CNTNAP2: variants seen among roughly 807,000 people sequenced by gnomAD.
The protein encoded by CNTNAP2 is contactin-associated protein-like 2.
CNTNAP2 carries 98 observed loss-of-function variants against 155.2 expected under a neutral mutation model. That is an observed-to-expected ratio of 0.63 (90% CI 0.54 to 0.75). The LOEUF (loss-of-function observed/expected upper bound fraction) is 0.75, where lower values mean the gene tolerates loss of function less well. Ranked by LOEUF, CNTNAP2 falls within the 30% of genes least tolerant of loss-of-function variation. The pLI is 0.00. For synonymous variants in CNTNAP2, 651 were observed against 631.2 expected, an observed-to-expected ratio of 1.03 and a Z score of -0.47; for missense variants, 1,727 against 1,688.1, an observed-to-expected ratio of 1.02 and a Z score of -0.40.
At chr7:147,509,623 C>T (rs115940949) in intron 11 of CNTNAP2, among the ~76,000 whole-genome samples, 556 of 152,226 alleles carry the variant, frequency 3.7e-3, no homozygotes, top group African/African-American at 0.013. Context: ...TGGTCCCTCT[C>T]ACTGTCTTAG....
chr7:147,368,096 T>TCACACACACACACACACA, intron 9 of CNTNAP2, among the ~76,000 whole-genome samples: 1 of 117,172 alleles, frequency 8.5e-6, no homozygotes, highest in African/African-American at 3.5e-5. Flanking sequence ...TCTCTCTCTG[T>TCACACACACACACACACA]CACACACACA....
At chr7:146,855,483 G>A (rs62481427) in intron 3 of CNTNAP2, among the ~76,000 whole-genome samples, 51,529 of 151,822 alleles carry the variant, frequency 0.34, 8,900 homozygotes, top group Admixed American at 0.42. Context: ...ATTTGAAATA[G>A]ATACACAGCA....
chr7:148,399,887 A>C lies in CNTNAP2; in HGVS notation c.3716-9504A>C, dbSNP rs1799545443. ...GCTTTAAATTAAAACACACACACAC[A>C]CGAGCAGCTGAAGACCTGAGTCACC... On this transcript the variant is annotated intron_variant, in intron 22 of 23. Coordinates refer to ENST00000361727, the MANE Select transcript of CNTNAP2 (RefSeq NM_014141.6). Among the ~76,000 whole-genome samples the C allele has an allele frequency of 2.7e-5, 4 of 149,380 alleles. 1 individual carries two copies. In the South Asian group the frequency reaches 8.8e-4, roughly 33 times the overall value.
At chr7:146,323,879 A>T (rs995553462) in intron 1 of CNTNAP2, among the ~76,000 whole-genome samples, 3 of 152,094 alleles carry the variant, frequency 2.0e-5, no homozygotes, top group African/African-American at 4.8e-5. Context: ...GTATCACTTG[A>T]CCCTAAGAGC....
rs548108098 is a variant in CNTNAP2 at position 147,990,260 on chromosome 7, T to C, written c.2383+12271T>C. Among the ~76,000 whole-genome samples the C allele has an allele frequency of 6.6e-5, 10 of 152,234 alleles. No individual in the cohort carries two copies. The South Asian group carries it at 1.9e-3, about 28-fold the overall frequency. On this transcript the variant is annotated intron_variant, in intron 15 of 23. Coordinates refer to ENST00000361727, the MANE Select transcript of CNTNAP2 (RefSeq NM_014141.6). The stretch of plus-strand genomic sequence containing the variant: ...TCCTCTCCCTGTGAAGTGAGAATTG[T>C]AGGAGTTAAAGAAAGAGGAAAGAAA...
At chr7:147,180,216 A>C (rs912047667) in intron 8 of CNTNAP2, among the ~76,000 whole-genome samples, 1 of 152,118 alleles carries the variant, frequency 6.6e-6, no homozygotes, top group African/African-American at 2.4e-5. Flanking sequence ...CCCAATATAT[A>C]GTTTGAGACT....
At chr7:147,714,033 A>G (rs1264942908) in intron 13 of CNTNAP2, among the ~76,000 whole-genome samples, 1 of 152,110 alleles carries the variant, frequency 6.6e-6, no homozygotes, top group African/African-American at 2.4e-5. Context: ...ACTAGCTGTT[A>G]CCATTTATTG....
rs58497683 is a variant in CNTNAP2 at position 146,439,347 on chromosome 7, C to CAGT, written c.97+322375_97+322376insGTA. On this transcript the variant is annotated intron_variant, in intron 1 of 23. Transcript: ENST00000361727. ...GCCACTAACTTCTTTGACATGAAAA[C>CAGT]ATTTCTTATTCTTTATTTCTCATAC... 1.3e-5 allele frequency among the ~76,000 whole-genome samples: 2 copies of CAGT among 151,592 alleles called. 1 individual carries two copies. The highest frequency in any genetic ancestry group is 4.9e-5 in the African/African-American group (2 of 40,884).
At chr7:147,992,324 C>T (rs1801725621) in intron 15 of CNTNAP2, among the ~76,000 whole-genome samples, 1 of 152,002 alleles carries the variant, frequency 6.6e-6, no homozygotes, top group Non-Finnish European at 1.5e-5. Flanking sequence ...ATTGGCCAGG[C>T]TGATCTCAAA....
At chr7:147,506,199 C>T (rs1239979697) in intron 11 of CNTNAP2, among the ~76,000 whole-genome samples, 1 of 152,108 alleles carries the variant, frequency 6.6e-6, no homozygotes, top group Non-Finnish European at 1.5e-5. Context: ...GAAATGGAGC[C>T]ATCGTTGGCC....
chr7:147,974,836 G>A (rs557085706), intron 14 of CNTNAP2, among the ~76,000 whole-genome samples: 26 of 151,958 alleles, frequency 1.7e-4, no homozygotes, highest in Middle Eastern at 3.4e-3. Flanking sequence ...CATAAATGAA[G>A]GCTAATAAGT....
At chr7:146,521,247 G>C (rs1348779506) in intron 1 of CNTNAP2, among the ~76,000 whole-genome samples, 1 of 151,896 alleles carries the variant, frequency 6.6e-6, no homozygotes, top group African/African-American at 2.4e-5. Flanking sequence ...TGTATCATAA[G>C]AGCAGACACA....
At chr7:147,150,314 A>G (rs1801799714) in intron 8 of CNTNAP2, among the ~76,000 whole-genome samples, 1 of 152,342 alleles carries the variant, frequency 6.6e-6, no homozygotes, top group South Asian at 2.1e-4. Flanking sequence ...CAGCAAAAAG[A>G]CAGAGAATGG....
At chr7:146,486,110 G>T (rs1286659525) in intron 1 of CNTNAP2, among the ~76,000 whole-genome samples, 5 of 126,350 alleles carry the variant, frequency 4.0e-5, no homozygotes, top group African/African-American at 1.5e-4. Context: ...TGTCGCCCAG[G>T]CTGGAGTGCA....
rs560664651 is a variant in CNTNAP2 at position 148,245,596 on chromosome 7, G to A, written c.3381+15817G>A. On this transcript the variant is annotated intron_variant, in intron 20 of 23. Coordinates refer to ENST00000361727, the MANE Select transcript of CNTNAP2 (RefSeq NM_014141.6). ...ACTAAACCTCTCTGGAAGATTGACG[G>A]AAGAAGAGCTGGGATTTGAGCAAGA... Among the ~76,000 whole-genome samples the A allele has an allele frequency of 2.0e-3, 310 of 152,320 alleles. 1 individual carries two copies. The highest frequency in any genetic ancestry group is 3.4e-3 in the Non-Finnish European group (234 of 68,030).
intron 1 of CNTNAP2, among the ~76,000 whole-genome samples, chr7:146,347,151 A>C (rs1371959396): frequency 2.6e-5 from 4 of 151,484 alleles, no homozygotes; most frequent in Non-Finnish European, 2.9e-5. Flanking sequence ...AAAAAAAAAA[A>C]AAAAAAAAAA....
chr7:147,580,619 A>AT (rs5888275), intron 12 of CNTNAP2, among the ~76,000 whole-genome samples: 3,502 of 142,348 alleles, frequency 0.025, 48 homozygotes, highest in African/African-American at 0.041. Flanking sequence ...TTACATTATC[A>AT]TTTTTTTTTT....
chr7:146,995,198 A>T (rs1344352040), intron 3 of CNTNAP2, among the ~76,000 whole-genome samples: 1 of 152,036 alleles, frequency 6.6e-6, no homozygotes, highest in Non-Finnish European at 1.5e-5. Flanking sequence ...ACAGTATTCC[A>T]TTGTGTATAT....
chr7:146,973,610 C>T (rs1472976090), intron 3 of CNTNAP2, among the ~76,000 whole-genome samples: 7 of 152,142 alleles, frequency 4.6e-5, no homozygotes, highest in African/African-American at 7.2e-5. Flanking sequence ...CATCATGAGA[C>T]ATATTCCAAA....
Sources: gnomAD v4.1 joint callset for allele counts (sites outside exome capture counted in the v4.1 genomes callset) on GRCh38, gnomAD v4.1.1 for gene constraint, MANE v1.5 for transcripts, NCBI Gene and HGNC (gene_info 2026-07-23, HGNC 2026-07-21) for gene names.